FXYD7: variants seen among roughly 807,000 people sequenced by gnomAD.
FXYD7 encodes the protein FXYD domain containing ion transport regulator 7.
Under a neutral mutation model 15.3 loss-of-function variants are expected in FXYD7, and 7 were observed. The ratio of observed to expected loss-of-function variants is 0.46; its 90% CI spans 0.26 to 0.86. The LOEUF is 0.86. Among genes scored for constraint, FXYD7 ranks in the 40% least tolerant of loss-of-function variants. FXYD7 has a pLI of 0.16. For synonymous variants in FXYD7, 39 were observed against 39.3 expected (o/e 0.99, Z 0.03); for missense variants, 78 against 100.6 (o/e 0.78, Z 0.96).
At position 35,154,295 on chromosome 19, in the gene FXYD7, T is replaced by G; in HGVS notation, c.*379T>G. The G allele has an allele frequency of 3.3e-6, 1 of 299,852 alleles. No individual in the cohort carries two copies. 18.6% of individuals were successfully genotyped at this position (299,852 alleles called of 1,614,324 possible). ...GCTTAATAAATGTGCATTTGGTTTT[T>G]TCCTCTGTTCTGTCTGTGTGTTCTC... is the stretch of plus-strand genomic sequence containing the variant. On this transcript the variant is annotated 3_prime_UTR_variant, in exon 6 of 6. Transcript: ENST00000270310.
chr19:35,151,081 C>T (rs1392349842), intron 2 of FXYD7, among the ~76,000 whole-genome samples, 173 bp from the exon 3 acceptor site: 3 of 151,978 alleles, frequency 2.0e-5, no homozygotes, highest in African/African-American at 7.3e-5. Flanking sequence ...GCTAACGGTG[C>T]CCAAGCCCAC....
chr19:35,149,228 C>T lies in FXYD7; in HGVS notation c.61+505C>T, dbSNP rs1405725483. On this transcript the variant is annotated intron_variant, in intron 2 of 5. Transcript: ENST00000270310. ...ATAAGCTACCCCAGGCCTGGTAGATCGGGCTCCAGTTTCCCCTCTGAACAC... is the reference window on the plus strand; with the variant it reads ...ATAAGCTACCCCAGGCCTGGTAGATTGGGCTCCAGTTTCCCCTCTGAACAC... The T allele has an allele frequency of 1.7e-5, 6 of 353,000 alleles. No homozygotes were observed. The East Asian group carries it at 3.0e-4, about 18-fold the overall frequency. The allele number at this position is 353,000 out of a possible 1,614,324, so 21.9% of individuals were successfully genotyped here.
intron 1 of FXYD7, among the ~76,000 whole-genome samples, chr19:35,144,367 T>G (rs779013110): frequency 2.6e-5 from 4 of 152,136 alleles, no homozygotes; most frequent in Non-Finnish European, 4.4e-5. Context: ...ATTAACCCAG[T>G]TATGCACCCA....
chr19:35,154,071 C>A lies in FXYD7; in HGVS notation c.*155C>A. On this transcript the variant is annotated 3_prime_UTR_variant, in exon 6 of 6. Transcript: ENST00000270310. ...GCTGGAGCCGCTGCACCCTGCTGTC[C>A]CTCTCCAGGCCTTGGCAATGACGAT... The A allele has an allele frequency of 3.1e-6, 2 of 634,974 alleles. No homozygotes were observed. Among genetic ancestry groups the A allele is most frequent in the Middle Eastern group, 4.3e-4 (1 of 2,342 alleles). 39.3% of individuals were successfully genotyped at this position (634,974 alleles called of 1,614,324 possible). A position where few individuals can be genotyped will look rare whatever the true frequency, so the allele number is the denominator to read the frequency against.
intron 1 of FXYD7, among the ~76,000 whole-genome samples, chr19:35,147,748 C>T (rs927682622): frequency 1.3e-5 from 2 of 152,042 alleles, no homozygotes; most frequent in Admixed American, 1.3e-4. Context: ...AATCCCAGCA[C>T]TATGGGAGGC....
At chr19:35,147,718 G>A (rs2065293289) in intron 1 of FXYD7, among the ~76,000 whole-genome samples, 1 of 152,108 alleles carries the variant, frequency 6.6e-6, no homozygotes, top group Admixed American at 6.5e-5. Flanking sequence ...AATGGGCCAG[G>A]CATGGTGGCT....
chr19:35,146,040 G>T (rs1331607277), intron 1 of FXYD7, among the ~76,000 whole-genome samples: 1 of 152,240 alleles, frequency 6.6e-6, no homozygotes, highest in Admixed American at 6.5e-5. Context: ...GCTTCCCAAA[G>T]TGCTTAGGAT....
chr19:35,151,176 C>T, intron 2 of FXYD7, 78 bp from the exon 3 acceptor site: 1 of 945,716 alleles, frequency 1.1e-6, no homozygotes, highest in South Asian at 1.3e-5. Context: ...CCTGGCTGGG[C>T]CACCCAGAGC....
At chr19:35,152,921 C>A in intron 5 of FXYD7, among the ~76,000 whole-genome samples, 1 of 115,052 alleles carries the variant, frequency 8.7e-6, no homozygotes, top group African/African-American at 3.3e-5. Context: ...TTCTGTGTCT[C>A]TTATAAAGTT....
intron 4 of FXYD7, 32 bp from the exon 5 acceptor site, chr19:35,151,601 T>C (rs1401503995): frequency 3.1e-6 from 5 of 1,608,618 alleles, no homozygotes; most frequent in Non-Finnish European, 4.3e-6. Context: ...TGAACCTCTT[T>C]CTACTTTTCT....
intron 5 of FXYD7, among the ~76,000 whole-genome samples, chr19:35,153,032 C>CGTTTTTTTTTTTTTTTTT (rs1568407782): frequency 5.0e-5 from 3 of 59,498 alleles, no homozygotes; most frequent in Non-Finnish European, 9.5e-5. Context: ...GTTTCACGTT[C>CGTTTTTTTTTTTTTTTTT]CTTTTTTTTT....
intron 5 of FXYD7, among the ~76,000 whole-genome samples, chr19:35,153,352 G>C (rs1005628423): frequency 6.6e-6 from 1 of 152,152 alleles, no homozygotes; most frequent in Non-Finnish European, 1.5e-5. Flanking sequence ...GAGCCACAGC[G>C]CTTGGCCTGT....
At position 35,145,672 on chromosome 19, in the gene FXYD7, G is replaced by T. The variant is rs367638833; in HGVS notation, c.31+2308G>T. On this transcript the variant is annotated intron_variant, in intron 1 of 5. Coordinates refer to ENST00000270310, the MANE Select transcript of FXYD7 (RefSeq NM_022006.2). ...AGAGCACAAGGGACCCTGAAGCAGC[G>T]TCTCACCATCTTGGCGCTTTTGAGT... is the stretch of plus-strand genomic sequence containing the variant. Among the ~76,000 whole-genome samples the T allele has an allele frequency of 5.9e-5, 9 of 152,184 alleles. No individual in the cohort carries two copies. The East Asian group carries it at 1.7e-3, about 29-fold the overall frequency.
At chr19:35,145,074 G>A (rs1200760294) in intron 1 of FXYD7, among the ~76,000 whole-genome samples, 1 of 152,092 alleles carries the variant, frequency 6.6e-6, no homozygotes, top group Non-Finnish European at 1.5e-5. Flanking sequence ...AGCTTGGCCA[G>A]AAGCCAGTCC....
chr19:35,153,907 C>T lies in FXYD7; in HGVS notation c.234C>T (p.Gly78=), dbSNP rs777163654. The T allele has an allele frequency of 2.2e-5, 35 of 1,612,370 alleles. No individual in the cohort carries two copies. Among genetic ancestry groups the T allele is most frequent in the African/African-American group, 1.5e-4 (11 of 74,806 alleles). Reference sequence around the variant, plus strand: ...CTCTCTCCCCAGCCCCTGGTGGCGGCGGCGTGTAACACCTTCCCGAGGAAA... The same window carrying T: ...CTCTCTCCCCAGCCCCTGGTGGCGGTGGCGTGTAACACCTTCCCGAGGAAA... ...SELPSSAPGG[G]GV The change falls in exon 6 of 6, where the codon GGC becomes GGT. Residue 78 remains glycine (G), a synonymous_variant. Coordinates refer to ENST00000270310, the MANE Select transcript of FXYD7 (RefSeq NM_022006.2).
intron 1 of FXYD7, among the ~76,000 whole-genome samples, chr19:35,145,923 C>A (rs998876572): frequency 2.0e-5 from 3 of 150,788 alleles, no homozygotes; most frequent in African/African-American, 7.3e-5. Flanking sequence ...GACTACAAGG[C>A]ACTTCTGCTA....
rs143451781 is a variant in FXYD7 at position 35,149,427 on chromosome 19, C to T, written c.61+704C>T. 380 of 202,334 alleles carry T rather than the reference C, an allele frequency of 1.9e-3. 1 individual carries two copies. Among genetic ancestry groups the T allele is most frequent in the African/African-American group, 8.4e-3 (369 of 43,958 alleles). 12.5% of individuals were successfully genotyped at this position (202,334 alleles called of 1,614,324 possible). A position where few individuals can be genotyped will look rare whatever the true frequency, so the allele number is the denominator to read the frequency against. The stretch of plus-strand genomic sequence containing the variant: ...CAGGCCTCAGATCAAACATAGACTA[C>T]TCTACTGGGATAGGCCCTCCTGACT... On this transcript the variant is annotated intron_variant, in intron 2 of 5. Coordinates refer to ENST00000270310, the MANE Select transcript of FXYD7 (RefSeq NM_022006.2).
At chr19:35,146,041 T>C (rs1222869464) in intron 1 of FXYD7, among the ~76,000 whole-genome samples, 3 of 152,228 alleles carry the variant, frequency 2.0e-5, no homozygotes, top group Non-Finnish European at 2.9e-5. Context: ...CTTCCCAAAG[T>C]GCTTAGGATG....
chr19:35,144,574 C>G (rs1361432565), intron 1 of FXYD7, among the ~76,000 whole-genome samples: 1 of 151,832 alleles, frequency 6.6e-6, no homozygotes, highest in East Asian at 1.9e-4. Context: ...ATGGCTCCCT[C>G]CCTTCCGCGC....
Sources: gnomAD v4.1 joint callset for allele counts (sites outside exome capture counted in the v4.1 genomes callset) on GRCh38, gnomAD v4.1.1 for gene constraint, MANE v1.5 for transcripts, NCBI Gene and HGNC (gene_info 2026-07-23, HGNC 2026-07-21) for gene names.